The following CCDC141 variants were observed in gnomAD, a reference collection of about 807,000 sequenced individuals.
CCDC141 encodes coiled-coil domain-containing protein 141.
In CCDC141, 168 loss-of-function variants were observed where a neutral mutation model predicts 181.0. The ratio of observed to expected loss-of-function variants is 0.93; its 90% CI spans 0.82 to 1.05. CCDC141 has a LOEUF of 1.05. CCDC141 is among the 50% of genes least tolerant of loss of function. The probability of loss-of-function intolerance (pLI) is 0.00; values close to 1 mark genes in which losing one functional copy is unlikely to be tolerated. For synonymous variants in CCDC141, 666 were observed against 642.3 expected (o/e 1.04, Z -0.56); for missense variants, 1,902 against 1,788.5 (o/e 1.06, Z -1.14).
At chr2:178,989,828 T>G (rs1691957429) in intron 2 of CCDC141, among the ~76,000 whole-genome samples, 1 of 111,060 alleles carries the variant, frequency 9.0e-6, no homozygotes, top group Non-Finnish European at 1.8e-5. Context: ...AGCTATAATC[T>G]TAAAAAAAAA....
intron 8 of CCDC141, among the ~76,000 whole-genome samples, chr2:178,899,340 G>C (rs1041658672): frequency 6.6e-6 from 1 of 152,086 alleles, no homozygotes; most frequent in African/African-American, 2.4e-5. Context: ...TCATTTCTCA[G>C]AATGTATCCT....
At chr2:179,040,229 T>G (rs977965148) in intron 2 of CCDC141, among the ~76,000 whole-genome samples, 2 of 152,184 alleles carry the variant, frequency 1.3e-5, no homozygotes, top group African/African-American at 4.8e-5. Context: ...GTTCCCTCAT[T>G]TTAAAGATAA....
Position 178,991,219 on chromosome 2 carries a change from T to A in CCDC141, c.226-12544A>T, listed in dbSNP as rs553248511. Among the ~76,000 whole-genome samples, 124 of 152,256 alleles carry A rather than the reference T, an allele frequency of 8.1e-4. 1 individual carries two copies. Among genetic ancestry groups the A allele is most frequent in the African/African-American group, 2.8e-3 (117 of 41,570 alleles). ...TCTCCTTTTTATAAAACCTCTAACTTTCTCTTTGTTTTTCAGACATACTGA... is the reference window on the plus strand; with the variant it reads ...TCTCCTTTTTATAAAACCTCTAACTATCTCTTTGTTTTTCAGACATACTGA... On this transcript the variant is annotated intron_variant, in intron 2 of 23. Transcript: ENST00000443758.
chr2:179,021,330 C>T (rs2042687138), intron 2 of CCDC141, among the ~76,000 whole-genome samples: 1 of 152,132 alleles, frequency 6.6e-6, no homozygotes, highest in Non-Finnish European at 1.5e-5. Context: ...ATTGCCCATG[C>T]CTATCTGAAG....
At chr2:179,004,963 C>T (rs1359715978) in intron 2 of CCDC141, among the ~76,000 whole-genome samples, 3 of 152,122 alleles carry the variant, frequency 2.0e-5, no homozygotes, top group African/African-American at 7.2e-5. Context: ...AACTCCTGAC[C>T]TCAGGTTATC....
chr2:178,816,707 T>G, the CCDC141 span, among the ~76,000 whole-genome samples: 1 of 152,226 alleles, frequency 6.6e-6, no homozygotes. Flanking sequence ...GCATTTGGCT[T>G]TGTCAGTGCT....
intron 2 of CCDC141, among the ~76,000 whole-genome samples, chr2:178,982,483 A>T (rs1691464270): frequency 6.6e-6 from 1 of 152,238 alleles, no homozygotes; most frequent in African/African-American, 2.4e-5. Context: ...GAACAGGAAC[A>T]GCTCTGGTCT....
downstream of CCDC141, among the ~76,000 whole-genome samples, chr2:178,828,909 C>T (rs562761833): frequency 2.6e-5 from 4 of 151,972 alleles, no homozygotes; most frequent in Non-Finnish European, 4.4e-5. Context: ...TTTGTAGATG[C>T]TTGAATCAAT....
intron 2 of CCDC141, chr2:179,002,319 G>T: frequency 3.6e-6 from 1 of 277,750 alleles, no homozygotes. Flanking sequence ...CAGAAGAACT[G>T]GAGAAAGAAA....
chr2:178,854,214 T>A (rs1381066921), intron 19 of CCDC141, among the ~76,000 whole-genome samples: 1 of 152,230 alleles, frequency 6.6e-6, no homozygotes, highest in Non-Finnish European at 1.5e-5. Context: ...CAGTGGAGAA[T>A]GAGACAGTTT....
intron 11 of CCDC141, among the ~76,000 whole-genome samples, chr2:178,881,911 T>TCA (rs1158646637): frequency 2.2e-4 from 24 of 107,234 alleles, no homozygotes; most frequent in Middle Eastern, 4.6e-3. Context: ...TCTCTCTCTC[T>TCA]CTCTCACACA....
Position 178,884,892 on chromosome 2 carries a change from G to A in CCDC141, c.1719+9C>T, listed in dbSNP as rs777297656. The stretch of plus-strand genomic sequence containing the variant: ...CCTTGCTGAAGAAGGTTAACACATA[G>A]TACCATACCTCCTCTGATGACTTCA... On this transcript the variant is annotated intron_variant, in intron 11 of 23. Transcript: ENST00000443758. 1.3e-6 allele frequency: 2 copies of A among 1,549,208 alleles called. No homozygotes were observed. Among genetic ancestry groups the A allele is most frequent in the South Asian group, 2.4e-5 (2 of 83,940 alleles).
At chr2:178,854,953 A>G (rs984473943) in intron 19 of CCDC141, among the ~76,000 whole-genome samples, 3 of 152,212 alleles carry the variant, frequency 2.0e-5, no homozygotes, top group Non-Finnish European at 1.5e-5. Context: ...TCACAGTATC[A>G]CTTTTTAAAA....
chr2:178,817,167 G>C, the CCDC141 span, among the ~76,000 whole-genome samples: 642 of 152,246 alleles, frequency 4.2e-3, 2 homozygotes, highest in African/African-American at 0.014. Context: ...TACCTAAGTG[G>C]ACAACTGGTT....
At chr2:178,899,727 A>C (rs566706764) in intron 8 of CCDC141, among the ~76,000 whole-genome samples, 105 of 152,246 alleles carry the variant, frequency 6.9e-4, no homozygotes, top group Middle Eastern at 3.4e-3. Flanking sequence ...GATGTTCAAC[A>C]ATATCTGCTT....
intron 11 of CCDC141, among the ~76,000 whole-genome samples, chr2:178,882,772 C>T (rs772744725): frequency 5.3e-5 from 8 of 151,590 alleles, no homozygotes; most frequent in Non-Finnish European, 8.8e-5. Context: ...TCCACTGGAG[C>T]GTCTGGAAGC....
intron 17 of CCDC141, among the ~76,000 whole-genome samples, chr2:178,860,793 C>T (rs764203315): frequency 2.7e-4 from 41 of 151,806 alleles, no homozygotes; most frequent in Non-Finnish European, 4.4e-4. Context: ...CTTGGGAAGA[C>T]GTGACAATTG....
At chr2:178,884,784 A>T in intron 11 of CCDC141, 117 bp downstream of exon 11, 1 of 665,354 alleles carries the variant, frequency 1.5e-6, no homozygotes, top group Non-Finnish European at 2.5e-6. Context: ...AAGTGAGCCC[A>T]CGCACAGGGG....
intron 2 of CCDC141, among the ~76,000 whole-genome samples, chr2:179,004,517 G>C (rs959383883): frequency 6.6e-6 from 1 of 152,062 alleles, no homozygotes. Context: ...AATTGTATTT[G>C]AATTAATAAA....
Sources: allele counts gnomAD v4.1 joint callset (sites outside exome capture counted in the v4.1 genomes callset), GRCh38; gene constraint gnomAD v4.1.1; transcripts MANE v1.5; gene names NCBI Gene and HGNC (gene_info 2026-07-23, HGNC 2026-07-21).